The following ERO1A variants were observed in gnomAD, a reference collection of about 807,000 sequenced individuals.
ERO1A encodes ERO1-like protein alpha.
ERO1A carries 49 observed loss-of-function variants against 76.9 expected under a neutral mutation model. The observed-to-expected ratio is 0.64, with a 90% CI of 0.51 to 0.81. ERO1A has a LOEUF of 0.81. ERO1A is among the 30% of genes least tolerant of loss of function. The probability of loss-of-function intolerance (pLI) is 0.00; values close to 1 mark genes in which losing one functional copy is unlikely to be tolerated. For synonymous variants in ERO1A, 174 were observed against 181.2 expected (o/e 0.96, Z 0.32); for missense variants, 448 against 542.1 (o/e 0.83, Z 1.72).
At chr14:52,669,278 G>A (rs181622172) in intron 6 of ERO1A, among the ~76,000 whole-genome samples, 2 of 152,170 alleles carry the variant, frequency 1.3e-5, no homozygotes, top group Admixed American at 1.3e-4. Flanking sequence ...ACCTGGTGCT[G>A]CACATTGTAG....
intron 3 of ERO1A, 80 bp downstream of exon 3, chr14:52,682,245 A>G: frequency 8.5e-7 from 1 of 1,174,270 alleles, no homozygotes; most frequent in Non-Finnish European, 1.2e-6. Flanking sequence ...TCAAAAAAAA[A>G]TTCTTAAATA....
At chr14:52,648,737 C>T (rs976508157) in intron 13 of ERO1A, among the ~76,000 whole-genome samples, 6 of 152,144 alleles carry the variant, frequency 3.9e-5, no homozygotes, top group African/African-American at 7.2e-5. Context: ...CTTTTGTAGA[C>T]GCTAATTTCA....
At chr14:52,686,195 C>T (rs1398199027) in intron 1 of ERO1A, among the ~76,000 whole-genome samples, 6 of 152,104 alleles carry the variant, frequency 3.9e-5, no homozygotes, top group Non-Finnish European at 8.8e-5. Context: ...CCAGCCTCGG[C>T]AACAAAGTGA....
chr14:52,656,847 G>C (rs556218696), intron 11 of ERO1A, among the ~76,000 whole-genome samples: 1 of 152,242 alleles, frequency 6.6e-6, no homozygotes, highest in African/African-American at 2.4e-5. Flanking sequence ...AATCACTTGA[G>C]CTCAGGAGTT....
At chr14:52,659,795 G>A (rs1467726113) in intron 9 of ERO1A, among the ~76,000 whole-genome samples, 1 of 148,992 alleles carries the variant, frequency 6.7e-6, no homozygotes, top group Non-Finnish European at 1.5e-5. Context: ...TTTCAGTTCA[G>A]TGTTTGTGTG....
In ERO1A at chr14:52,642,414, C is replaced by T. The variant is rs1195343609; in HGVS notation, c.*1156G>A. 3 of 152,048 alleles carry T rather than the reference C, an allele frequency of 2.0e-5. No individual in the cohort carries two copies. Among genetic ancestry groups the T allele is most frequent in the Non-Finnish European group, 4.4e-5 (3 of 68,014 alleles). 9.4% of individuals were successfully genotyped at this position (152,048 alleles called of 1,614,324 possible). A position where few individuals can be genotyped will look rare whatever the true frequency, so the allele number is the denominator to read the frequency against. On this transcript the variant is annotated 3_prime_UTR_variant, in exon 16 of 16. Coordinates refer to ENST00000395686, the MANE Select transcript of ERO1A (RefSeq NM_014584.3). ...AAATAGCCTACCCTATTACTATACACATCAAGCATAAAACGGGCAACAAAA... is the reference window on the plus strand; with the variant it reads ...AAATAGCCTACCCTATTACTATACATATCAAGCATAAAACGGGCAACAAAA...
chr14:52,658,658 C>G (rs2040130376), intron 9 of ERO1A: 1 of 152,666 alleles, frequency 6.6e-6, no homozygotes, highest in Non-Finnish European at 1.5e-5. Flanking sequence ...CCAAGTATCA[C>G]TTATATTCTT....
intron 4 of ERO1A, among the ~76,000 whole-genome samples, chr14:52,673,618 C>T (rs535861294): frequency 6.6e-6 from 1 of 152,328 alleles, no homozygotes; most frequent in East Asian, 1.9e-4. Flanking sequence ...TGATAATAGA[C>T]AGCAAAGTAA....
At chr14:52,664,054 G>A (rs754928246) in intron 7 of ERO1A, 2 of 374,598 alleles carry the variant, frequency 5.3e-6, no homozygotes, top group Admixed American at 4.7e-5. Context: ...CCATTGTGGC[G>A]GCCAGCAGGC....
At chr14:52,692,871 A>AT (rs2041401226) in intron 1 of ERO1A, among the ~76,000 whole-genome samples, 1 of 148,488 alleles carries the variant, frequency 6.7e-6, no homozygotes, top group Admixed American at 6.7e-5. Context: ...CTTGCCTCTA[A>AT]TTTTCTCTGC....
chr14:52,678,464 A>C lies in ERO1A; in HGVS notation c.327T>G (p.Val109=). Reference sequence around the variant, plus strand: ...AGCTCGCAGATTTAATTCCATCAGGAACTTCATCCTGAAAAAGAAAAAAAT... The same window carrying C: ...AGCTCGCAGATTTAATTCCATCAGGCACTTCATCCTGAAAAAGAAAAAAAT... ...CAVKPCQSDE[V]PDGIKSASYK... Residue 109 remains valine (V), a synonymous_variant, in exon 4 of 16, where the codon GTT becomes GTG. Coordinates refer to ENST00000395686, the MANE Select transcript of ERO1A (RefSeq NM_014584.3). The C allele has an allele frequency of 6.2e-7, 1 of 1,612,706 alleles. No individual in the cohort carries two copies. Among genetic ancestry groups the C allele is most frequent in the Non-Finnish European group, 8.5e-7 (1 of 1,179,268 alleles).
Position 52,652,295 on chromosome 14 carries a change from G to A in ERO1A, c.1069C>T (p.His357Tyr), listed in dbSNP as rs775685587. 1.2e-6 allele frequency: 2 copies of A among 1,609,570 alleles called. No homozygotes were observed. The highest frequency in any genetic ancestry group is 1.7e-6 in the Non-Finnish European group (2 of 1,176,064). Residue 357 changes from histidine to tyrosine, a missense_variant, in exon 13 of 16, where the codon CAT becomes TAT. This residue lies in a region of ERO1A where 302 missense variants were observed against 411.9 expected (regional missense o/e 0.73). Coordinates refer to ENST00000395686, the MANE Select transcript of ERO1A (RefSeq NM_014584.3). Reference sequence around the variant, plus strand: ...GCAAAAAATGAATTCTCATCAAAATGCAAAGGAAATGACCTGCGTTTTAAA... The same window carrying A: ...GCAAAAAATGAATTCTCATCAAAATACAAAGGAAATGACCTGCGTTTTAAA... The part of the protein sequence containing the change: ...ILHEIKSFPL[H>Y]FDENSFFAGD...
chr14:52,669,230 C>T, intron 6 of ERO1A, among the ~76,000 whole-genome samples: 1 of 152,108 alleles, frequency 6.6e-6, no homozygotes. Context: ...AAGTGATTCA[C>T]CAAACTCTAC....
intron 13 of ERO1A, among the ~76,000 whole-genome samples, chr14:52,647,656 A>G (rs1428174983): frequency 6.6e-6 from 1 of 152,152 alleles, no homozygotes; most frequent in East Asian, 1.9e-4. Flanking sequence ...AACATAGTAT[A>G]TGTCCTTAAG....
At chr14:52,687,504 G>A (rs141726159) in intron 1 of ERO1A, among the ~76,000 whole-genome samples, 5 of 152,266 alleles carry the variant, frequency 3.3e-5, no homozygotes, top group Non-Finnish European at 7.4e-5. Flanking sequence ...AACAGGATCC[G>A]GGAAACAAAG....
chr14:52,675,187 C>A (rs192145985), intron 4 of ERO1A, among the ~76,000 whole-genome samples: 1 of 152,010 alleles, frequency 6.6e-6, no homozygotes, highest in Non-Finnish European at 1.5e-5. Flanking sequence ...GGTTTGAGAC[C>A]AGCTTGGCCA....
chr14:52,682,284 A>G (rs766511640), intron 3 of ERO1A, 41 bp downstream of exon 3: 1 of 1,415,802 alleles, frequency 7.1e-7, no homozygotes, highest in South Asian at 1.3e-5. Flanking sequence ...TAATGAATGA[A>G]AAAACATGTA....
intron 9 of ERO1A, chr14:52,658,368 G>T: frequency 2.0e-6 from 1 of 499,018 alleles, no homozygotes. Context: ...AAAGGCTTTA[G>T]CATTGCCTTA....
chr14:52,667,845 G>T (rs1434670328), intron 6 of ERO1A, among the ~76,000 whole-genome samples: 3 of 151,894 alleles, frequency 2.0e-5, no homozygotes, highest in Middle Eastern at 3.4e-3. Flanking sequence ...GGACAAAAAC[G>T]GTCTCAATGC....
Sources: allele counts gnomAD v4.1 joint callset (sites outside exome capture counted in the v4.1 genomes callset), GRCh38; gene constraint gnomAD v4.1.1; regional missense constraint gnomAD v4.1.1; transcripts MANE v1.5; gene names NCBI Gene and HGNC (gene_info 2026-07-23, HGNC 2026-07-21).